The following APP variants were observed in gnomAD, a reference collection of about 807,000 sequenced individuals.
APP encodes amyloid beta precursor protein.
A neutral mutation model predicts 101.4 loss-of-function variants in APP; 31 were observed. The observed-to-expected ratio is 0.31, with a 90% CI of 0.23 to 0.41. The LOEUF (loss-of-function observed/expected upper bound fraction) is 0.41. Among genes scored for constraint, APP ranks in the 10% least tolerant of loss-of-function variants. APP has a pLI of 1.00. For synonymous variants in APP, 366 were observed against 364.4 expected (o/e 1.00, Z -0.05); for missense variants, 839 against 1,003.7 (o/e 0.84, Z 2.22).
At chr21:25,994,296 G>T (rs997187806) in intron 8 of APP, among the ~76,000 whole-genome samples, 37 of 151,940 alleles carry the variant, frequency 2.4e-4, no homozygotes, top group Non-Finnish European at 1.6e-4. Context: ...AATTAACTCA[G>T]CTCTCGTAAG....
chr21:25,892,125 T>C (rs1332470575), intron 16 of APP, among the ~76,000 whole-genome samples: 1 of 139,790 alleles, frequency 7.2e-6, no homozygotes, highest in African/African-American at 2.7e-5. Context: ...ATGTACAACA[T>C]GTGGCTTCCC....
At chr21:25,891,180 G>A (rs1250545158) in intron 17 of APP, among the ~76,000 whole-genome samples, 2 of 152,156 alleles carry the variant, frequency 1.3e-5, no homozygotes, top group Non-Finnish European at 2.9e-5. Context: ...TAACAATCAT[G>A]TATGTTTTGG....
chr21:26,023,720 A>G (rs1182628797), intron 5 of APP, among the ~76,000 whole-genome samples: 1 of 152,146 alleles, frequency 6.6e-6, no homozygotes, highest in Non-Finnish European at 1.5e-5. Flanking sequence ...ACAAAAACCA[A>G]CACAGATCAC....
intron 16 of APP, among the ~76,000 whole-genome samples, chr21:25,892,877 G>A (rs45509692): frequency 1.2e-4 from 18 of 151,706 alleles, no homozygotes; most frequent in East Asian, 3.9e-4. Context: ...ATATTACCAC[G>A]TTTGCTCTGC....
At chr21:25,901,697 T>C (rs1270577113) in intron 15 of APP, among the ~76,000 whole-genome samples, 1 of 152,226 alleles carries the variant, frequency 6.6e-6, no homozygotes, top group Non-Finnish European at 1.5e-5. Context: ...GAGGTCTTTC[T>C]TGAGTTGTGC....
intron 17 of APP, 143 bp from the exon 18 acceptor site, chr21:25,881,914 A>G: frequency 1.2e-6 from 1 of 868,712 alleles, no homozygotes; most frequent in Non-Finnish European, 1.8e-6. Flanking sequence ...CCCCACTTTG[A>G]CATCTTGGAG....
chr21:26,077,657 C>T (rs1349586189), intron 3 of APP, among the ~76,000 whole-genome samples: 1 of 151,970 alleles, frequency 6.6e-6, no homozygotes, highest in African/African-American at 2.4e-5. Flanking sequence ...CGACCAGCCT[C>T]GTTCGTCTCC....
At chr21:26,084,803 T>C (rs974023691) in intron 3 of APP, among the ~76,000 whole-genome samples, 1 of 152,250 alleles carries the variant, frequency 6.6e-6, no homozygotes, top group African/African-American at 2.4e-5. Flanking sequence ...TTTTCTTTTA[T>C]TTTGGCATCA....
intron 8 of APP, among the ~76,000 whole-genome samples, chr21:25,992,735 C>T (rs2042916653): frequency 1.3e-5 from 2 of 152,194 alleles, no homozygotes; most frequent in Non-Finnish European, 2.9e-5. Flanking sequence ...AATATACTGG[C>T]ACTGACGTGA....
intron 6 of APP, among the ~76,000 whole-genome samples, chr21:26,008,967 A>G (rs2043659869): frequency 6.6e-6 from 1 of 151,928 alleles, no homozygotes; most frequent in African/African-American, 2.4e-5. Flanking sequence ...AAATAGGATC[A>G]TGGACCAGCA....
At chr21:25,928,460 ATCT>A (rs1240514399) in intron 13 of APP, among the ~76,000 whole-genome samples, 1 of 152,172 alleles carries the variant, frequency 6.6e-6, no homozygotes, top group African/African-American at 2.4e-5. Context: ...ACACACACAT[ATCT>A]TCTTGTTTTG....
chr21:25,998,594 G>C (rs2043149023), intron 7 of APP, among the ~76,000 whole-genome samples: 1 of 152,016 alleles, frequency 6.6e-6, no homozygotes, highest in Non-Finnish European at 1.5e-5. Context: ...CTAAGATCTT[G>C]CTGCAAAACA....
Position 26,084,227 on chromosome 21 carries a change from A to ATTT in APP, c.355+5713_355+5715dup, listed in dbSNP as rs869179482. On this transcript the variant is annotated intron_variant, in intron 3 of 17. Coordinates refer to ENST00000346798, the MANE Select transcript of APP (RefSeq NM_000484.4). ...AGGATGACCTACCTAGAAGGGCTCC[A>ATTT]TTTTTTTTTTTTTTTTTTTTTTTTT... Among the ~76,000 whole-genome samples, 736 of 83,056 alleles carry ATTT rather than the reference A, an allele frequency of 8.9e-3. 94 individuals are homozygous for ATTT. The highest frequency in any genetic ancestry group is 0.012 in the African/African-American group (230 of 19,900). The allele number at this position is 83,056 out of a possible 152,430, so 54.5% of individuals were successfully genotyped here.
chr21:25,947,763 G>A (rs2040886389), intron 13 of APP, among the ~76,000 whole-genome samples: 1 of 152,044 alleles, frequency 6.6e-6, no homozygotes, highest in African/African-American at 2.4e-5. Flanking sequence ...AGCATTTTGG[G>A]GGGCCAAGAT....
At chr21:26,150,146 T>C (rs181159011) in intron 1 of APP, among the ~76,000 whole-genome samples, 1 of 152,128 alleles carries the variant, frequency 6.6e-6, no homozygotes, top group African/African-American at 2.4e-5. Flanking sequence ...AAAGAAGCAG[T>C]TAGGCCTGAG....
At chr21:26,054,620 G>GT (rs369608335) in intron 3 of APP, among the ~76,000 whole-genome samples, 31,932 of 107,574 alleles carry the variant, frequency 0.3, 5,512 homozygotes, top group Non-Finnish European at 0.38. Context: ...TAGGCCAAAA[G>GT]TTTTTTTTTT....
At chr21:26,107,152 T>C (rs2062201202) in intron 2 of APP, among the ~76,000 whole-genome samples, 1 of 152,156 alleles carries the variant, frequency 6.6e-6, no homozygotes, top group South Asian at 2.1e-4. Context: ...TACACCCTTA[T>C]TACTTACATC....
At chr21:26,018,483 TGAG>T (rs980404285) in intron 6 of APP, among the ~76,000 whole-genome samples, 1 of 152,178 alleles carries the variant, frequency 6.6e-6, no homozygotes, top group Non-Finnish European at 1.5e-5. Context: ...TTTGTAACAG[TGAG>T]GAGGAGGAAA....
At chr21:26,159,253 G>A (rs534240560) in intron 1 of APP, among the ~76,000 whole-genome samples, 2 of 152,180 alleles carry the variant, frequency 1.3e-5, no homozygotes, top group East Asian at 3.9e-4. Flanking sequence ...TTAATTTGTT[G>A]TATTTTTAGT....
Sources: allele counts gnomAD v4.1 joint callset (sites outside exome capture counted in the v4.1 genomes callset), GRCh38; gene constraint gnomAD v4.1.1; transcripts MANE v1.5; gene names NCBI Gene and HGNC (gene_info 2026-07-23, HGNC 2026-07-21).